Variants in ONECUT3 observed in about 807,000 individuals in gnomAD.
The protein encoded by ONECUT3 is one cut homeobox 3, also known as one cut domain family member 3.
Under a neutral mutation model 16.8 loss-of-function variants are expected in ONECUT3, and 11 were observed. The ratio of observed to expected loss-of-function variants is 0.66; its 90% CI spans 0.41 to 1.09. ONECUT3 has a LOEUF of 1.09. ONECUT3 is among the 50% of genes least tolerant of loss of function. ONECUT3 has a pLI of 0.00. For synonymous variants in ONECUT3, 344 were observed against 310.7 expected (o/e 1.11, Z -1.13); for missense variants, 637 against 629.9 (o/e 1.01, Z -0.12).
intron 1 of ONECUT3, among the ~76,000 whole-genome samples, chr19:1,770,640 G>C (rs1208583706): frequency 2.0e-5 from 3 of 152,202 alleles, no homozygotes; most frequent in African/African-American, 7.2e-5. Flanking sequence ...AGCGAGAAGG[G>C]CCTCCCTTGG....
In ONECUT3 at chr19:1,754,003, T is replaced by C; in HGVS notation, c.341T>C (p.Leu114Pro). ...TYTTLTPLQH[L>P]PPLAAVADKF... ...ACGACGCTCACGCCCCTGCAGCACC[T>C]GCCGCCGCTCGCGGCCGTGGCCGAC... is the stretch of plus-strand genomic sequence containing the variant. Residue 114 changes from leucine (L) to proline (P), a missense_variant, in exon 1 of 2, where the codon CTG (leucine) becomes CCG (proline). Coordinates refer to ENST00000382349, the MANE Select transcript of ONECUT3 (RefSeq NM_001080488.2). The surrounding 1 kb of genome is among the most constrained non-coding windows in gnomAD (Gnocchi z 7.4). The C allele has an allele frequency of 1.0e-6, 1 of 993,438 alleles. No homozygotes were observed. Among genetic ancestry groups the C allele is most frequent in the East Asian group, 1.1e-4 (1 of 9,488 alleles). The allele number at this position is 993,438 out of a possible 1,614,324, so 61.5% of individuals were successfully genotyped here.
chr19:1,759,310 C>G lies in ONECUT3; in HGVS notation c.1192+4456C>G, dbSNP rs2067933833. The stretch of plus-strand genomic sequence containing the variant: ...AACCTCTTCCCCACCCAGGCTCATA[C>G]AGGCCCTCCCTCCCCGGCTTCTCCC... On this transcript the variant is annotated intron_variant, in intron 1 of 1. Coordinates refer to ENST00000382349, the MANE Select transcript of ONECUT3 (RefSeq NM_001080488.2). This position sits in a 1 kb window ranked among gnomAD's most constrained non-coding sequence, Gnocchi z 4.1. Among the ~76,000 whole-genome samples, 1 of 152,084 alleles carries G rather than the reference C, an allele frequency of 6.6e-6. No homozygotes were observed. Among genetic ancestry groups the G allele is most frequent in the Admixed American group, 6.5e-5 (1 of 15,270 alleles).
rs1229754417 is a variant in ONECUT3, at chr19:1,764,463, G to T, written c.1192+9609G>T. On this transcript the variant is annotated intron_variant, in intron 1 of 1. Coordinates refer to ENST00000382349, the MANE Select transcript of ONECUT3 (RefSeq NM_001080488.2). This position sits in a 1 kb window ranked among gnomAD's most constrained non-coding sequence, Gnocchi z 5.0. ...GGAGAGGGGTGGGGACAAGAGGGAG[G>T]CTGGGCGCCTGCTGAGGCCAAGGTG... 1.3e-5 allele frequency among the ~76,000 whole-genome samples: 2 copies of T among 152,182 alleles called. No individual in the cohort carries two copies. Among genetic ancestry groups the T allele is most frequent in the Non-Finnish European group, 2.9e-5 (2 of 68,032 alleles).
chr19:1,754,680 C>T lies in ONECUT3; in HGVS notation c.1018C>T (p.Pro340Ser). ...GGCGGAGCTGAAGCGCTACAGCATC[C>T]CGCAGGCAATCTTCGCGCAGCGGAT... Reference protein sequence around the residue: ...ITAELKRYSIPQAIFAQRILC... With the variant: ...ITAELKRYSISQAIFAQRILC... Residue 340 changes from proline (P) to serine (S), a missense_variant, in exon 1 of 2, where the codon CCG becomes TCG. Coordinates refer to ENST00000382349, the MANE Select transcript of ONECUT3 (RefSeq NM_001080488.2). This position sits in a 1 kb window ranked among gnomAD's most constrained non-coding sequence, Gnocchi z 7.4. The T allele has an allele frequency of 6.5e-7, 1 of 1,531,012 alleles. No individual in the cohort carries two copies. The highest frequency in any genetic ancestry group is 8.8e-7 in the Non-Finnish European group (1 of 1,139,834). The allele number at this position is 1,531,012 out of a possible 1,614,324, so 94.8% of individuals were successfully genotyped here. A position where few individuals can be genotyped will look rare whatever the true frequency, so the allele number is the denominator to read the frequency against.
At position 1,754,775 on chromosome 19, in the gene ONECUT3, C is replaced by T; in HGVS notation, c.1113C>T (p.Ser371=). The change falls in exon 1 of 2, where the codon TCC becomes TCT. Residue 371 remains serine, a synonymous_variant. Coordinates refer to ENST00000382349, the MANE Select transcript of ONECUT3 (RefSeq NM_001080488.2). This position sits in a 1 kb window ranked among gnomAD's most constrained non-coding sequence, Gnocchi z 7.4. The part of the protein sequence containing the change: ...RNPKPWSKLK[S]GRETFRRMWK... ...CCAAGCCGTGGAGCAAGCTCAAATC[C>T]GGCCGCGAGACCTTCCGCAGGATGT... The T allele has an allele frequency of 6.4e-7, 1 of 1,566,344 alleles. No individual in the cohort carries two copies. The highest frequency in any genetic ancestry group is 8.6e-7 in the Non-Finnish European group (1 of 1,158,150).
At position 1,775,431 on chromosome 19, in the gene ONECUT3, TTC is replaced by T; in HGVS notation, c.1474_1475del (p.Ser492GlnfsTer209). 6.6e-7 allele frequency: 1 copy of T among 1,522,666 alleles called. No homozygotes were observed. Among genetic ancestry groups the T allele is most frequent in the Non-Finnish European group, 8.8e-7 (1 of 1,136,710 alleles). 94.3% of individuals were successfully genotyped at this position (1,522,666 alleles called of 1,614,324 possible). On this transcript the variant is annotated frameshift_variant, in exon 2 of 2. Transcript: ENST00000382349. LOFTEE classifies it high-confidence loss of function. ...PGGPAGATATFSKA is the reference protein window; with the variant it reads ...PGGPAGATATXSKA ...GGGCCCCGCCGGCGCCACGGCCACT[TTC>T]TCCAAGGCCTGAGGCGCCCCGGCCC...
rs986181701 is a variant in ONECUT3 at position 1,766,514 on chromosome 19, T to TAA, written c.1193-8637_1193-8636dup. Among the ~76,000 whole-genome samples, 1 of 95,234 alleles carries TAA rather than the reference T, an allele frequency of 1.1e-5. No individual in the cohort carries two copies. Among genetic ancestry groups the TAA allele is most frequent in the Non-Finnish European group, 2.1e-5 (1 of 47,058 alleles). The allele number at this position is 95,234 out of a possible 152,430, so 62.5% of individuals were successfully genotyped here. On this transcript the variant is annotated intron_variant, in intron 1 of 1. Coordinates refer to ENST00000382349, the MANE Select transcript of ONECUT3 (RefSeq NM_001080488.2). This position sits in a 1 kb window ranked among gnomAD's most constrained non-coding sequence, Gnocchi z 4.0. Reference sequence around the variant, plus strand: ...AAGGAAGGGGAAGAGGGGAGGGAGGTAAAGAGAGGGAGGGAAGGAAAGGGA... The same window carrying TAA: ...AAGGAAGGGGAAGAGGGGAGGGAGGTAAAAAGAGAGGGAGGGAAGGAAAGGGA...
At chr19:1,774,630 C>A (rs2068087621) in intron 1 of ONECUT3, among the ~76,000 whole-genome samples, 1 of 151,606 alleles carries the variant, frequency 6.6e-6, no homozygotes, top group Non-Finnish European at 1.5e-5. Flanking sequence ...GAGAAAGTTA[C>A]CAATATCAAT....
rs117924169 is a variant in ONECUT3, at chr19:1,776,798, C to T, written c.*1353C>T. On this transcript the variant is annotated 3_prime_UTR_variant, in exon 2 of 2. Coordinates refer to ENST00000382349, the MANE Select transcript of ONECUT3 (RefSeq NM_001080488.2). This position sits in a 1 kb window ranked among gnomAD's most constrained non-coding sequence, Gnocchi z 4.9. ...GGCTGCCTCCCAGGGAGGAGGCGGC[C>T]CCCCTACCCCCCTTGAAAATGCAAA... The T allele has an allele frequency of 0.14, 21,027 of 151,410 alleles. 1,902 individuals carry two copies. Among genetic ancestry groups the T allele is most frequent in the Admixed American group, 0.27 (4,097 of 15,228 alleles). 9.4% of individuals were successfully genotyped at this position (151,410 alleles called of 1,614,324 possible). A position where few individuals can be genotyped will look rare whatever the true frequency, so the allele number is the denominator to read the frequency against.
chr19:1,765,092 A>T lies in ONECUT3; in HGVS notation c.1193-10061A>T, dbSNP rs116417016. Among the ~76,000 whole-genome samples the T allele has an allele frequency of 2.4e-3, 365 of 152,202 alleles. 1 individual carries two copies. The highest frequency in any genetic ancestry group is 8.3e-3 in the African/African-American group (344 of 41,508). ...TGTACAGACTGTCGGGCACAGAGGG[A>T]CATGGGATGGTCACTTGAATCGCCC... On this transcript the variant is annotated intron_variant, in intron 1 of 1. Transcript: ENST00000382349.
Position 1,754,164 on chromosome 19 carries a change from T to G in ONECUT3, c.502T>G (p.Phe168Val), listed in dbSNP as rs1286782498. 3.7e-6 allele frequency: 4 copies of G among 1,095,134 alleles called. No homozygotes were observed. Among genetic ancestry groups the G allele is most frequent in the Non-Finnish European group, 4.5e-6 (4 of 894,382 alleles). The allele number at this position is 1,095,134 out of a possible 1,614,324, so 67.8% of individuals were successfully genotyped here. A position where few individuals can be genotyped will look rare whatever the true frequency, so the allele number is the denominator to read the frequency against. The change falls in exon 1 of 2, where the codon TTC becomes GTC. Residue 168 changes from phenylalanine (F) to valine (V), a missense_variant. Coordinates refer to ENST00000382349, the MANE Select transcript of ONECUT3 (RefSeq NM_001080488.2). This position sits in a 1 kb window ranked among gnomAD's most constrained non-coding sequence, Gnocchi z 7.4. Reference protein sequence around the residue: ...QRLAASVSGSFTLMRDERAAL... With the variant: ...QRLAASVSGSVTLMRDERAAL... ...TCTGGCGGCCAGCGTGAGCGGCAGC[T>G]TCACCCTCATGCGCGACGAGCGGGC...
intron 1 of ONECUT3, among the ~76,000 whole-genome samples, chr19:1,773,295 T>G (rs910020775): frequency 2.0e-5 from 3 of 151,182 alleles, no homozygotes; most frequent in Non-Finnish European, 4.4e-5. Flanking sequence ...CCTCTCTTTT[T>G]CATGTTAGAC....
In ONECUT3 at chr19:1,754,804, A is replaced by G. The variant is rs1372343303; in HGVS notation, c.1142A>G (p.Lys381Arg). The G allele has an allele frequency of 1.3e-6, 2 of 1,556,560 alleles. No individual in the cohort carries two copies. The highest frequency in any genetic ancestry group is 1.4e-5 in the African/African-American group (1 of 71,456). ...SGRETFRRMW[K>R]WLQEPEFQRM... ...CGCGAGACCTTCCGCAGGATGTGGA[A>G]GTGGCTGCAGGAGCCAGAGTTCCAG... is the stretch of plus-strand genomic sequence containing the variant. Residue 381 changes from lysine to arginine, a missense_variant, in exon 1 of 2, where the codon AAG (lysine) becomes AGG (arginine). Lys to Arg is a conservative substitution (Grantham distance 26). Transcript: ENST00000382349. This position sits in a 1 kb window ranked among gnomAD's most constrained non-coding sequence, Gnocchi z 7.4.
At position 1,753,770 on chromosome 19, in the gene ONECUT3, C is replaced by T; in HGVS notation, c.108C>T (p.Arg36=). 3.0e-6 allele frequency: 3 copies of T among 990,442 alleles called. No homozygotes were observed. Among genetic ancestry groups the T allele is most frequent in the African/African-American group, 1.8e-5 (1 of 56,414 alleles). 61.4% of individuals were successfully genotyped at this position (990,442 alleles called of 1,614,324 possible). A position where few individuals can be genotyped will look rare whatever the true frequency, so the allele number is the denominator to read the frequency against. Residue 36 remains arginine, a synonymous_variant, in exon 1 of 2, where the codon CGC becomes CGT. Coordinates refer to ENST00000382349, the MANE Select transcript of ONECUT3 (RefSeq NM_001080488.2). ...GHARSAAAQH[R]GLVAPGRPGL... Reference sequence around the variant, plus strand: ...CGCGCTCGGCGGCGGCGCAGCACCGCGGCCTGGTGGCGCCCGGGCGCCCGG... The same window carrying T: ...CGCGCTCGGCGGCGGCGCAGCACCGTGGCCTGGTGGCGCCCGGGCGCCCGG...
intron 1 of ONECUT3, among the ~76,000 whole-genome samples, chr19:1,757,738 G>T (rs376688222): frequency 6.6e-6 from 1 of 152,250 alleles, no homozygotes. Flanking sequence ...CTTTAGTTCC[G>T]GTCGCTGCGC....
chr19:1,760,988 C>T (rs2067943488), intron 1 of ONECUT3, among the ~76,000 whole-genome samples: 1 of 151,478 alleles, frequency 6.6e-6, no homozygotes, highest in Non-Finnish European at 1.5e-5. Flanking sequence ...CTAGTCTAAA[C>T]CACTATGGTG....
chr19:1,777,005 CCCGAA>C lies in ONECUT3; in HGVS notation c.*1563_*1567del, dbSNP rs1355589285. The C allele has an allele frequency of 6.7e-6, 1 of 150,262 alleles. No homozygotes were observed. Among genetic ancestry groups the C allele is most frequent in the Admixed American group, 6.6e-5 (1 of 15,092 alleles). The allele number at this position is 150,262 out of a possible 1,614,324, so 9.3% of individuals were successfully genotyped here. A position where few individuals can be genotyped will look rare whatever the true frequency, so the allele number is the denominator to read the frequency against. ...CCCCGCCTGCCGAGTGCCACCCCTT[CCCGAA>C]CCTGAGAGCGAAAGAGAGAGAGAGA... On this transcript the variant is annotated 3_prime_UTR_variant, in exon 2 of 2. Coordinates refer to ENST00000382349, the MANE Select transcript of ONECUT3 (RefSeq NM_001080488.2).
In ONECUT3 at chr19:1,776,000, C is replaced by G. The variant is rs1370024561; in HGVS notation, c.*555C>G. 3.3e-5 allele frequency: 5 copies of G among 149,904 alleles called. No homozygotes were observed. Among genetic ancestry groups the G allele is most frequent in the Non-Finnish European group, 7.4e-5 (5 of 67,672 alleles). 9.3% of individuals were successfully genotyped at this position (149,904 alleles called of 1,614,324 possible). On this transcript the variant is annotated 3_prime_UTR_variant, in exon 2 of 2. Coordinates refer to ENST00000382349, the MANE Select transcript of ONECUT3 (RefSeq NM_001080488.2). ...CCACATCAAGCCGGATCCTTACGGT[C>G]CCCCACCCTCTCCAAAACCAACCCC...
chr19:1,777,639 C>G lies in ONECUT3; in HGVS notation c.*2194C>G, dbSNP rs747919511. The G allele has an allele frequency of 6.6e-6, 1 of 152,274 alleles. No individual in the cohort carries two copies. The highest frequency in any genetic ancestry group is 2.4e-5 in the African/African-American group (1 of 41,536). The allele number at this position is 152,274 out of a possible 1,614,324, so 9.4% of individuals were successfully genotyped here. A position where few individuals can be genotyped will look rare whatever the true frequency, so the allele number is the denominator to read the frequency against. On this transcript the variant is annotated 3_prime_UTR_variant, in exon 2 of 2. Coordinates refer to ENST00000382349, the MANE Select transcript of ONECUT3 (RefSeq NM_001080488.2). ...TAGAGCTGTCCTGTCCACTCCAGGCCGGACTGACGTAGCCTATGGGCCCAG... is the reference window on the plus strand; with the variant it reads ...TAGAGCTGTCCTGTCCACTCCAGGCGGGACTGACGTAGCCTATGGGCCCAG...
Sources: allele counts gnomAD v4.1 joint callset (sites outside exome capture counted in the v4.1 genomes callset), GRCh38; gene constraint gnomAD v4.1.1; non-coding constraint Gnocchi (gnomAD v3.1); transcripts MANE v1.5; gene names NCBI Gene and HGNC (gene_info 2026-07-23, HGNC 2026-07-21).